The following SLCO3A1 variants were observed in gnomAD, a reference collection of about 807,000 sequenced individuals.
The protein encoded by SLCO3A1 is PGE1 transporter.
SLCO3A1 carries 27 observed loss-of-function variants against 63.1 expected under a neutral mutation model. The ratio of observed to expected loss-of-function variants is 0.43; its 90% CI spans 0.32 to 0.59. SLCO3A1 has a LOEUF of 0.59. Among genes scored for constraint, SLCO3A1 ranks in the 20% least tolerant of loss-of-function variants. The pLI is 0.09. For missense variants in SLCO3A1, 773 were observed against 945.8 expected (o/e 0.82, Z 2.40); for synonymous variants, 473 against 409.9 (o/e 1.15, Z -1.86).
chr15:91,884,022 T>C (rs1055627077), intron 1 of SLCO3A1, among the ~76,000 whole-genome samples: 1 of 152,252 alleles, frequency 6.6e-6, no homozygotes, highest in Non-Finnish European at 1.5e-5. Flanking sequence ...ATCAAAATAA[T>C]GATAATAAGA....
chr15:91,929,695 C>G (rs1012299492), intron 2 of SLCO3A1, among the ~76,000 whole-genome samples: 1 of 152,126 alleles, frequency 6.6e-6, no homozygotes, highest in South Asian at 2.1e-4. Flanking sequence ...CAACAACTCC[C>G]ATTCCACCCC....
chr15:92,120,096 T>A (rs2047845466), intron 4 of SLCO3A1, among the ~76,000 whole-genome samples: 1 of 150,846 alleles, frequency 6.6e-6, no homozygotes, highest in Non-Finnish European at 1.5e-5. Context: ...CACACACACA[T>A]TTTTTTTTCT....
chr15:92,102,883 C>T (rs2047623403), intron 3 of SLCO3A1, among the ~76,000 whole-genome samples: 1 of 152,180 alleles, frequency 6.6e-6, no homozygotes, highest in Non-Finnish European at 1.5e-5. Flanking sequence ...TACCTGTGTT[C>T]CGTTCTTCAG....
intron 2 of SLCO3A1, among the ~76,000 whole-genome samples, chr15:91,971,504 T>A (rs555364751): frequency 6.6e-6 from 1 of 152,016 alleles, no homozygotes; most frequent in South Asian, 2.1e-4. Context: ...TTTTTGTGCT[T>A]TTGTTGATGA....
At chr15:92,111,576 A>G (rs908196708) in intron 4 of SLCO3A1, among the ~76,000 whole-genome samples, 1 of 152,156 alleles carries the variant, frequency 6.6e-6, no homozygotes, top group Admixed American at 6.5e-5. Flanking sequence ...GTCCCCACGG[A>G]CCAGACTGGT....
rs1370378970 is a variant in SLCO3A1, at chr15:91,860,296, A to G, written c.180+6208A>G. Among the ~76,000 whole-genome samples, 2 of 152,174 alleles carry G rather than the reference A, an allele frequency of 1.3e-5. No individual in the cohort carries two copies. Among genetic ancestry groups the G allele is most frequent in the African/African-American group, 2.4e-5 (1 of 41,428 alleles). On this transcript the variant is annotated intron_variant, in intron 1 of 9. Transcript: ENST00000318445. The surrounding 1 kb of genome is among the most constrained non-coding windows in gnomAD (Gnocchi z 5.5). Reference sequence around the variant, plus strand: ...CTTGGAGTTGGAAGACCTGGATTTGAACTTAGACTTGCTATTTCCCAGCTC... The same window carrying G: ...CTTGGAGTTGGAAGACCTGGATTTGGACTTAGACTTGCTATTTCCCAGCTC...
At chr15:92,159,500 T>G (rs920510100) in intron 9 of SLCO3A1, among the ~76,000 whole-genome samples, 1 of 151,686 alleles carries the variant, frequency 6.6e-6, no homozygotes, top group Non-Finnish European at 1.5e-5. Context: ...AAAAAAAATT[T>G]ATTTCATCTC....
chr15:91,936,293 G>A (rs958357510), intron 2 of SLCO3A1, among the ~76,000 whole-genome samples: 27 of 152,336 alleles, frequency 1.8e-4, no homozygotes, highest in African/African-American at 3.6e-4. Flanking sequence ...GGAGGTTTTC[G>A]TCCTATGATC....
At chr15:92,010,307 G>A (rs1251562368) in intron 2 of SLCO3A1, among the ~76,000 whole-genome samples, 1 of 152,086 alleles carries the variant, frequency 6.6e-6, no homozygotes, top group Non-Finnish European at 1.5e-5. Flanking sequence ...AAAATATATG[G>A]TCTTGATAAA....
chr15:91,991,376 C>T (rs1284697354), intron 2 of SLCO3A1, among the ~76,000 whole-genome samples: 1 of 152,088 alleles, frequency 6.6e-6, no homozygotes, highest in Non-Finnish European at 1.5e-5. Flanking sequence ...AAAAAATTGC[C>T]CAATTTTATA....
chr15:92,146,506 C>T (rs767797971), intron 7 of SLCO3A1, among the ~76,000 whole-genome samples: 6 of 152,226 alleles, frequency 3.9e-5, no homozygotes, highest in Non-Finnish European at 8.8e-5. Flanking sequence ...TGACAGCGTG[C>T]AGCCTTTGTT....
intron 2 of SLCO3A1, among the ~76,000 whole-genome samples, chr15:92,029,338 C>G (rs2046617170): frequency 6.6e-6 from 1 of 152,134 alleles, no homozygotes; most frequent in Non-Finnish European, 1.5e-5. Context: ...AGGCTCCTGC[C>G]CTGGAGTGGG....
chr15:92,137,122 C>T (rs181694347), intron 7 of SLCO3A1, among the ~76,000 whole-genome samples: 1 of 143,816 alleles, frequency 7.0e-6, no homozygotes, highest in Non-Finnish European at 1.5e-5. Context: ...ATCCCTCCCC[C>T]GTCCCCCCAC....
At chr15:92,098,398 C>G (rs565211488) in intron 3 of SLCO3A1, among the ~76,000 whole-genome samples, 6 of 152,184 alleles carry the variant, frequency 3.9e-5, no homozygotes, top group Non-Finnish European at 7.3e-5. Context: ...TCCCTTTGCT[C>G]CTCAGCTCAG....
chr15:91,909,318 A>C (rs1489779064), intron 1 of SLCO3A1, among the ~76,000 whole-genome samples: 1 of 152,230 alleles, frequency 6.6e-6, no homozygotes, highest in African/African-American at 2.4e-5. Context: ...TTATTGAAAC[A>C]CAGCCATTTC....
At chr15:92,127,832 G>A (rs147908783) in intron 6 of SLCO3A1, among the ~76,000 whole-genome samples, 2 of 152,234 alleles carry the variant, frequency 1.3e-5, no homozygotes, top group East Asian at 3.9e-4. Context: ...AGCATCATGA[G>A]GCTTCCTGAC....
intron 2 of SLCO3A1, among the ~76,000 whole-genome samples, chr15:92,077,711 G>GACA (rs2047295709): frequency 6.6e-6 from 1 of 152,206 alleles, no homozygotes; most frequent in Non-Finnish European, 1.5e-5. Flanking sequence ...GTCTCCCTCA[G>GACA]GACCCTGGGC....
rs1298093091 is a variant in SLCO3A1, at chr15:91,862,973, A to G, written c.180+8885A>G. On this transcript the variant is annotated intron_variant, in intron 1 of 9. Coordinates refer to ENST00000318445, the MANE Select transcript of SLCO3A1 (RefSeq NM_013272.4). The surrounding 1 kb of genome is among the most constrained non-coding windows in gnomAD (Gnocchi z 4.0). ...CCAACTTCAGCTGATTAGAAGGAGA[A>G]ATTACCACCTTGAATATAAGCAGGT... 6.6e-6 allele frequency among the ~76,000 whole-genome samples: 1 copy of G among 152,238 alleles called. No homozygotes were observed. Among genetic ancestry groups the G allele is most frequent in the Non-Finnish European group, 1.5e-5 (1 of 68,042 alleles).
intron 1 of SLCO3A1, among the ~76,000 whole-genome samples, chr15:91,888,423 A>G (rs1038512918): frequency 1.3e-5 from 2 of 152,232 alleles, no homozygotes; most frequent in African/African-American, 4.8e-5. Context: ...ATCCAGTTAT[A>G]CAAATGACAT....
Sources: allele counts gnomAD v4.1 joint callset (sites outside exome capture counted in the v4.1 genomes callset), GRCh38; gene constraint gnomAD v4.1.1; non-coding constraint Gnocchi (gnomAD v3.1); transcripts MANE v1.5; gene names NCBI Gene and HGNC (gene_info 2026-07-23, HGNC 2026-07-21).